The following SGO2 variants were observed in gnomAD, a reference collection of about 807,000 sequenced individuals.
The protein encoded by SGO2 is shugoshin 2, also known as shugoshin-like 2.
In SGO2, 68 loss-of-function variants were observed where a neutral mutation model predicts 99.5. The observed-to-expected ratio is 0.68, with a 90% CI of 0.56 to 0.84. SGO2 has a LOEUF of 0.84. Among genes scored for constraint, SGO2 ranks in the 40% least tolerant of loss-of-function variants. The pLI is 0.00. For missense variants in SGO2, 1,350 were observed against 1,436.7 expected (o/e 0.94, Z 0.97); for synonymous variants, 457 against 487.1 (o/e 0.94, Z 0.81).
In SGO2 at chr2:200,546,320, T is replaced by A. The variant is rs1574847557; in HGVS notation, c.473+3656T>A. ...GTGAGCCGAGATCCTGCCACTGCAC[T>A]CCAGCCTGGGCTATCGAGCGAGACT... is the stretch of plus-strand genomic sequence containing the variant. On this transcript the variant is annotated intron_variant, in intron 5 of 8. Coordinates refer to ENST00000357799, the MANE Select transcript of SGO2 (RefSeq NM_152524.6). 2.6e-5 allele frequency among the ~76,000 whole-genome samples: 3 copies of A among 116,840 alleles called. No individual in the cohort carries two copies. In the Admixed American group the frequency reaches 3.7e-4, roughly 14 times the overall value. 76.7% of individuals were successfully genotyped at this position (116,840 alleles called of 152,430 possible).
chr2:200,559,458 C>T (rs114627527), intron 5 of SGO2, among the ~76,000 whole-genome samples: 2,960 of 151,672 alleles, frequency 0.02, 90 homozygotes, highest in African/African-American at 0.068. Flanking sequence ...TTCTGTTTTG[C>T]TTTTCTTTTC....
intron 1 of SGO2, among the ~76,000 whole-genome samples, chr2:200,531,491 G>C (rs568165172): frequency 1.2e-4 from 19 of 152,248 alleles, no homozygotes; most frequent in Non-Finnish European, 2.5e-4. Context: ...TGCCTGACAG[G>C]ACTGCAGGAG....
intron 5 of SGO2, among the ~76,000 whole-genome samples, chr2:200,565,435 T>C (rs2033148682): frequency 6.6e-6 from 1 of 152,230 alleles, no homozygotes; most frequent in Non-Finnish European, 1.5e-5. Flanking sequence ...AGTTCTGCTG[T>C]TAGTCTAATG....
rs2033259053 is a variant in SGO2, at chr2:200,568,066, A to T, written c.474-1597A>T. On this transcript the variant is annotated intron_variant, in intron 5 of 8. Coordinates refer to ENST00000357799, the MANE Select transcript of SGO2 (RefSeq NM_152524.6). ...TTTCCAAGCTTCTGCACCATTTTAC[A>T]TTCCCGCCAGCACAGTATTTTGACA... 2.0e-5 allele frequency among the ~76,000 whole-genome samples: 3 copies of T among 152,288 alleles called. No individual in the cohort carries two copies. In the South Asian group the frequency reaches 6.2e-4, roughly 32 times the overall value.
chr2:200,581,575 A>G (rs553773603), intron 8 of SGO2, among the ~76,000 whole-genome samples: 8 of 152,260 alleles, frequency 5.3e-5, no homozygotes, highest in African/African-American at 1.4e-4. Context: ...CCTATCTTCA[A>G]TACCTATGAT....
chr2:200,579,188 G>C (rs1448555004), intron 8 of SGO2, among the ~76,000 whole-genome samples: 1 of 152,134 alleles, frequency 6.6e-6, no homozygotes, highest in Non-Finnish European at 1.5e-5. Flanking sequence ...AATGTTGTTC[G>C]TATATATGAA....
intron 8 of SGO2, among the ~76,000 whole-genome samples, chr2:200,577,720 G>A (rs780310620): frequency 3.5e-4 from 53 of 149,904 alleles, no homozygotes; most frequent in Non-Finnish European, 5.9e-4. Context: ...GAAGACTACT[G>A]GTCAGTTTAT....
intron 8 of SGO2, among the ~76,000 whole-genome samples, chr2:200,581,976 C>T (rs1324267753): frequency 6.6e-6 from 1 of 152,120 alleles, no homozygotes; most frequent in Non-Finnish European, 1.5e-5. Context: ...ACCTTTCCAC[C>T]TAATCTTGTA....
At chr2:200,538,399 A>G (rs568813612) in intron 4 of SGO2, among the ~76,000 whole-genome samples, 1 of 152,294 alleles carries the variant, frequency 6.6e-6, no homozygotes, top group South Asian at 2.1e-4. Context: ...ACTGCAGTGA[A>G]GCCTTCCCTA....
intron 1 of SGO2, among the ~76,000 whole-genome samples, chr2:200,530,222 C>T (rs975002142): frequency 6.6e-6 from 1 of 152,140 alleles, no homozygotes; most frequent in African/African-American, 2.4e-5. Context: ...TGCAGAAACT[C>T]AAGTGAGACA....
At chr2:200,579,485 C>G (rs2033768152) in intron 8 of SGO2, among the ~76,000 whole-genome samples, 1 of 152,172 alleles carries the variant, frequency 6.6e-6, no homozygotes, top group African/African-American at 2.4e-5. Flanking sequence ...CTCCATTAAA[C>G]AAGATACTTG....
intron 5 of SGO2, among the ~76,000 whole-genome samples, chr2:200,543,868 T>C (rs1408091944): frequency 6.6e-6 from 1 of 152,252 alleles, no homozygotes; most frequent in East Asian, 1.9e-4. Context: ...AAGTGAACTT[T>C]TGTTTGAAGT....
Position 200,571,117 on chromosome 2 carries a change from T to A in SGO2, c.771T>A (p.Ser257=). 2 of 1,613,472 alleles carry A rather than the reference T, an allele frequency of 1.2e-6. No homozygotes were observed. Among genetic ancestry groups the A allele is most frequent in the Non-Finnish European group, 8.5e-7 (1 of 1,179,598 alleles). ...TGAGTGAGATGAGAAACGCCCAGTC[T>A]ATTGGCCGCAGATGGGAGAAACCAT... ...SLMSEMRNAQ[S]IGRRWEKPSP... The change falls in exon 7 of 9, where the codon TCT becomes TCA. Residue 257 remains serine (S), a synonymous_variant. Transcript: ENST00000357799.
In SGO2 at chr2:200,572,991, A is replaced by T; in HGVS notation, c.2645A>T (p.Asn882Ile). The T allele has an allele frequency of 6.3e-7, 1 of 1,584,994 alleles. No individual in the cohort carries two copies. The highest frequency in any genetic ancestry group is 8.5e-7 in the Non-Finnish European group (1 of 1,170,258). Reference protein sequence around the residue: ...NGNLCDYDTQNILELKKYVTD... With the variant: ...NGNLCDYDTQIILELKKYVTD... ...AATTTATGTGATTATGACACCCAGA[A>T]TATATTGGAGTTGAAAAAGTATGTT... Residue 882 changes from asparagine to isoleucine, a missense_variant, in exon 7 of 9, where the codon AAT becomes ATT. Asn to Ile is a moderately radical substitution (Grantham distance 149). Coordinates refer to ENST00000357799, the MANE Select transcript of SGO2 (RefSeq NM_152524.6).
chr2:200,568,045 C>T (rs948347624), intron 5 of SGO2, among the ~76,000 whole-genome samples: 10 of 152,134 alleles, frequency 6.6e-5, no homozygotes, highest in African/African-American at 1.2e-4. Flanking sequence ...ATTGTTTTTC[C>T]AAGCTTCTGC....
intron 1 of SGO2, among the ~76,000 whole-genome samples, chr2:200,531,360 A>G (rs2031371314): frequency 1.3e-5 from 2 of 152,192 alleles, no homozygotes; most frequent in African/African-American, 4.8e-5. Flanking sequence ...GGAAAGGGGT[A>G]ATAGAGTCTA....
At chr2:200,547,407 A>G (rs535066880) in intron 5 of SGO2, among the ~76,000 whole-genome samples, 4 of 152,356 alleles carry the variant, frequency 2.6e-5, no homozygotes, top group East Asian at 3.9e-4. Context: ...ATCTGAAAGT[A>G]AAAAACACTA....
At chr2:200,532,440 C>A (rs73044124) in intron 1 of SGO2, 5 of 984,762 alleles carry the variant, frequency 5.1e-6, no homozygotes, top group Non-Finnish European at 6.0e-6. Context: ...CACAGTTAAT[C>A]GCTTCTCCTC....
intron 1 of SGO2, among the ~76,000 whole-genome samples, chr2:200,530,896 A>G (rs1019307896): frequency 2.6e-5 from 4 of 152,214 alleles, no homozygotes; most frequent in African/African-American, 9.6e-5. Flanking sequence ...GGTTTATGAG[A>G]AAGTTGGAAA....
Sources: gnomAD v4.1 joint callset for allele counts (sites outside exome capture counted in the v4.1 genomes callset) on GRCh38, gnomAD v4.1.1 for gene constraint, MANE v1.5 for transcripts, NCBI Gene and HGNC (gene_info 2026-07-23, HGNC 2026-07-21) for gene names.